Variants in SHROOM3 observed in about 807,000 individuals in gnomAD.
The protein encoded by SHROOM3 is shroom family member 3, also known as protein Shroom3.
A neutral mutation model predicts 138.6 loss-of-function variants in SHROOM3; 47 were observed. The observed-to-expected ratio is 0.34, with a 90% CI of 0.27 to 0.43. The LOEUF (loss-of-function observed/expected upper bound fraction) is 0.43. Ranked by LOEUF, SHROOM3 falls within the 20% of genes least tolerant of loss-of-function variation. SHROOM3 has a pLI of 1.00. For missense variants in SHROOM3, 2,491 were observed against 2,596.5 expected, an observed-to-expected ratio of 0.96 and a Z score of 0.88; for synonymous variants, 1,062 against 1,063.3, an observed-to-expected ratio of 1.00 and a Z score of 0.02.
intron 2 of SHROOM3, among the ~76,000 whole-genome samples, chr4:76,653,664 C>T (rs553758474): frequency 1.1e-4 from 16 of 152,228 alleles, no homozygotes; most frequent in Middle Eastern, 3.4e-3. Flanking sequence ...CTCCTGGGCT[C>T]GAAGGATCCT....
chr4:76,529,269 A>C (rs1732779081), intron 1 of SHROOM3, among the ~76,000 whole-genome samples: 1 of 151,704 alleles, frequency 6.6e-6, no homozygotes, highest in Admixed American at 6.6e-5. Context: ...ACTCTACTGT[A>C]GTCACTTATG....
intron 1 of SHROOM3, among the ~76,000 whole-genome samples, chr4:76,482,863 G>T (rs571537406): frequency 1.3e-5 from 2 of 152,248 alleles, no homozygotes; most frequent in East Asian, 1.9e-4. Flanking sequence ...ACAACCATCT[G>T]ATCTTTGACA....
chr4:76,511,032 A>T (rs917978383), intron 1 of SHROOM3, among the ~76,000 whole-genome samples: 5 of 152,046 alleles, frequency 3.3e-5, no homozygotes, highest in African/African-American at 1.2e-4. Flanking sequence ...AATACAAAAA[A>T]TTAGCCAAGT....
chr4:76,677,864 A>T (rs991323711), intron 2 of SHROOM3, among the ~76,000 whole-genome samples: 6 of 152,206 alleles, frequency 3.9e-5, no homozygotes, highest in Non-Finnish European at 7.3e-5. Context: ...ACGGGGAGAA[A>T]GTTGTGCTTA....
At position 76,691,544 on chromosome 4, in the gene SHROOM3, T is replaced by G. The variant is rs981347076; in HGVS notation, c.324-18612T>G. Among the ~76,000 whole-genome samples the G allele has an allele frequency of 2.6e-5, 4 of 152,358 alleles. No individual in the cohort carries two copies. In the East Asian group the frequency reaches 5.8e-4, roughly 22 times the overall value. Reference sequence around the variant, plus strand: ...TATTCTTAGGAGTTACCAATCCTTTTCTATTATGGATAGAAAATCAACAAT... The same window carrying G: ...TATTCTTAGGAGTTACCAATCCTTTGCTATTATGGATAGAAAATCAACAAT... On this transcript the variant is annotated intron_variant, in intron 2 of 10. Coordinates refer to ENST00000296043, the MANE Select transcript of SHROOM3 (RefSeq NM_020859.4).
chr4:76,574,088 A>G (rs1330352823), intron 2 of SHROOM3, among the ~76,000 whole-genome samples: 1 of 151,252 alleles, frequency 6.6e-6, no homozygotes, highest in African/African-American at 2.5e-5. Context: ...AAGAGAAATC[A>G]GAACTTGGTC....
intron 2 of SHROOM3, among the ~76,000 whole-genome samples, chr4:76,580,308 T>TA (rs1173146004): frequency 6.6e-6 from 1 of 152,236 alleles, no homozygotes; most frequent in East Asian, 1.9e-4. Context: ...CTAAGCATCA[T>TA]ACATGCCATC....
chr4:76,751,581 A>G (rs1222365366), intron 6 of SHROOM3, among the ~76,000 whole-genome samples: 1 of 152,246 alleles, frequency 6.6e-6, no homozygotes, highest in Non-Finnish European at 1.5e-5. Context: ...ACTAGAGGAT[A>G]CCAATCCAAC....
intron 1 of SHROOM3, among the ~76,000 whole-genome samples, chr4:76,457,319 G>A (rs1187814683): frequency 1.3e-5 from 2 of 151,982 alleles, no homozygotes; most frequent in Non-Finnish European, 2.9e-5. Flanking sequence ...TTAAAAGTGT[G>A]CAGCACCTCC....
At chr4:76,541,623 G>GCACACACACACACA (rs751594734) in intron 1 of SHROOM3, among the ~76,000 whole-genome samples, 1,427 of 140,138 alleles carry the variant, frequency 0.01, 21 homozygotes, top group African/African-American at 0.031. Flanking sequence ...ACATATGTGG[G>GCACACACACACACA]CGCACACACA....
chr4:76,696,156 C>T (rs757404416), intron 2 of SHROOM3, among the ~76,000 whole-genome samples: 2 of 152,212 alleles, frequency 1.3e-5, no homozygotes, highest in Non-Finnish European at 2.9e-5. Flanking sequence ...CTGACACTCT[C>T]GAGGCCTTGT....
rs577475343 is a variant in SHROOM3 at position 76,557,673 on chromosome 4, A to T, written c.323+1910A>T. 3.7e-4 allele frequency among the ~76,000 whole-genome samples: 56 copies of T among 152,350 alleles called. No individual in the cohort carries two copies. The South Asian group carries it at 0.011, about 30-fold the overall frequency. ...GATTAATTTGATTTTTGATTGTGGT[A>T]ATCATGACACAGTGTGTACATATAT... is the stretch of plus-strand genomic sequence containing the variant. On this transcript the variant is annotated intron_variant, in intron 2 of 10. Coordinates refer to ENST00000296043, the MANE Select transcript of SHROOM3 (RefSeq NM_020859.4).
At chr4:76,751,064 C>T (rs768164839) in intron 6 of SHROOM3, among the ~76,000 whole-genome samples, 1 of 152,178 alleles carries the variant, frequency 6.6e-6, no homozygotes, top group South Asian at 2.1e-4. Flanking sequence ...GACTTGATCA[C>T]AGATCCTGTG....
At chr4:76,680,658 A>G (rs1371067943) in intron 2 of SHROOM3, among the ~76,000 whole-genome samples, 2 of 152,228 alleles carry the variant, frequency 1.3e-5, no homozygotes, top group Non-Finnish European at 2.9e-5. Context: ...TAAGTGCTTC[A>G]TATAAAGTAT....
chr4:76,665,434 G>T (rs951076684), intron 2 of SHROOM3, among the ~76,000 whole-genome samples: 4 of 152,166 alleles, frequency 2.6e-5, no homozygotes, highest in Non-Finnish European at 4.4e-5. Flanking sequence ...GAGTTCTTTG[G>T]ACTTGGACTG....
In SHROOM3 at chr4:76,756,771, C is replaced by G; in HGVS notation, c.5032C>G (p.Gln1678Glu). ...TEALAKEIVH[Q>E]DKSLADILDP... ...GGCTTTGGCCAAGGAAATTGTCCAC[C>G]AAGACAAATCTCTAGCAGACATTTT... Residue 1678 changes from glutamine (Q) to glutamate (E), a missense_variant, in exon 8 of 11, where the codon CAA (glutamine) becomes GAA (glutamate). Coordinates refer to ENST00000296043, the MANE Select transcript of SHROOM3 (RefSeq NM_020859.4). The G allele has an allele frequency of 6.2e-7, 1 of 1,614,168 alleles. No homozygotes were observed. Among genetic ancestry groups the G allele is most frequent in the African/African-American group, 1.3e-5 (1 of 75,034 alleles).
chr4:76,454,285 C>T (rs187996398), intron 1 of SHROOM3, among the ~76,000 whole-genome samples: 5 of 152,170 alleles, frequency 3.3e-5, no homozygotes, highest in Non-Finnish European at 5.9e-5. Context: ...CTCAGATGAT[C>T]CACCCGCCTT....
At chr4:76,645,721 A>G (rs1312397282) in intron 2 of SHROOM3, 1 of 152,188 alleles carries the variant, frequency 6.6e-6, no homozygotes, top group African/African-American at 2.4e-5. Flanking sequence ...AAAGACATAT[A>G]AGAAAAACCC....
chr4:76,781,095 G>T lies in SHROOM3; in HGVS notation c.*1918G>T, dbSNP rs762672206. On this transcript the variant is annotated 3_prime_UTR_variant, in exon 11 of 11. Transcript: ENST00000296043. ...GACCATTTTTCGGGATTTGACTGGG[G>T]AACATTTTACATATTCAGTCTTTCT... 2 of 152,130 alleles carry T rather than the reference G, an allele frequency of 1.3e-5. No individual in the cohort carries two copies. The highest frequency in any genetic ancestry group is 4.8e-5 in the African/African-American group (2 of 41,416). The allele number at this position is 152,130 out of a possible 1,614,324, so 9.4% of individuals were successfully genotyped here.
Sources: allele counts gnomAD v4.1 joint callset (sites outside exome capture counted in the v4.1 genomes callset), GRCh38; gene constraint gnomAD v4.1.1; transcripts MANE v1.5; gene names NCBI Gene and HGNC (gene_info 2026-07-23, HGNC 2026-07-21).